The following BIN3 variants were observed in gnomAD, a reference collection of about 807,000 sequenced individuals.
The protein encoded by BIN3 is bridging integrator 3.
BIN3 carries 41 observed loss-of-function variants against 38.2 expected under a neutral mutation model. The observed-to-expected ratio is 1.07, with a 90% CI of 0.84 to 1.39. The LOEUF (loss-of-function observed/expected upper bound fraction) is 1.39, where lower values mean the gene tolerates loss of function less well. BIN3 is among the 40% of genes most tolerant of loss of function. BIN3 has a pLI of 0.00. For synonymous variants in BIN3, 145 were observed against 122.6 expected (o/e 1.18, Z -1.21); for missense variants, 361 against 324.3 (o/e 1.11, Z -0.87).
chr8:22,621,184 TAAAA>T lies in BIN3; in HGVS notation c.*234_*237del, dbSNP rs1170070585. ...GATGCATGCTGGACGGTTCTCCAAA[TAAAA>T]AAGCCCCAAGGGTTTGTCTACACTG... On this transcript the variant is annotated 3_prime_UTR_variant, in exon 9 of 9. Transcript: ENST00000276416. The T allele has an allele frequency of 1.1e-4, 59 of 539,386 alleles. No homozygotes were observed. The highest frequency in any genetic ancestry group is 2.0e-4 in the East Asian group (6 of 30,686). The allele number at this position is 539,386 out of a possible 1,614,324, so 33.4% of individuals were successfully genotyped here. A position where few individuals can be genotyped will look rare whatever the true frequency, so the allele number is the denominator to read the frequency against.
At chr8:22,634,559 C>G (rs1447095507) in intron 4 of BIN3, 3 of 432,148 alleles carry the variant, frequency 6.9e-6, no homozygotes, top group South Asian at 4.7e-5. Context: ...CAAATCACTG[C>G]CTCTATTGGG....
rs1364873729 is a variant in BIN3, at chr8:22,636,534, C to T, written c.151G>A (p.Ala51Thr). The change falls in exon 4 of 9, where the codon GCA becomes ACA. Residue 51 changes from alanine to threonine, a missense_variant. By Grantham distance (58) the Ala-to-Thr change is moderately conservative (BLOSUM62 0). Transcript: ENST00000276416. The part of the protein sequence containing the change: ...LQKDMKKSTD[A>T]DLAMSKSAVK... ...GTGGAAAGTCACCTACCCAGGTCTGCGTCGGTGCTCTTCTTCATGTCTTTC... is the reference window on the plus strand; with the variant it reads ...GTGGAAAGTCACCTACCCAGGTCTGTGTCGGTGCTCTTCTTCATGTCTTTC... 1.9e-6 allele frequency: 3 copies of T among 1,552,504 alleles called. No homozygotes were observed. The highest frequency in any genetic ancestry group is 1.4e-5 in the African/African-American group (1 of 73,104).
chr8:22,629,773 G>A (rs1327776138), intron 6 of BIN3, 191 bp downstream of exon 6: 26 of 625,020 alleles, frequency 4.2e-5, no homozygotes, highest in Non-Finnish European at 6.5e-5. Flanking sequence ...TGGGCCATGT[G>A]GGTACTCTGG....
chr8:22,622,388 G>A (rs1335880281), intron 8 of BIN3, among the ~76,000 whole-genome samples: 3 of 152,250 alleles, frequency 2.0e-5, no homozygotes, highest in Non-Finnish European at 4.4e-5. Context: ...GGGACCCACG[G>A]CTGATACTCC....
chr8:22,665,681 T>C (rs1803394100), intron 1 of BIN3, among the ~76,000 whole-genome samples: 1 of 152,090 alleles, frequency 6.6e-6, no homozygotes, highest in African/African-American at 2.4e-5. Context: ...GCTTGGAGGA[T>C]GGAACACACG....
At chr8:22,658,787 C>T (rs1019338052) in intron 1 of BIN3, among the ~76,000 whole-genome samples, 1 of 152,016 alleles carries the variant, frequency 6.6e-6, no homozygotes, top group Non-Finnish European at 1.5e-5. Context: ...GTTTTGGGGG[C>T]GAGGGAGGTA....
At chr8:22,646,385 C>T (rs949427087) in intron 1 of BIN3, among the ~76,000 whole-genome samples, 3 of 152,186 alleles carry the variant, frequency 2.0e-5, no homozygotes, top group African/African-American at 7.2e-5. Flanking sequence ...ACCAGGCCCA[C>T]ATCCCACCCT....
At chr8:22,646,419 G>C (rs1802716816) in intron 1 of BIN3, among the ~76,000 whole-genome samples, 1 of 152,040 alleles carries the variant, frequency 6.6e-6, no homozygotes, top group South Asian at 2.1e-4. Context: ...CCTTCTCCCT[G>C]AGCCTGCTTT....
chr8:22,664,502 A>G (rs1202976637), intron 1 of BIN3, among the ~76,000 whole-genome samples: 2 of 152,270 alleles, frequency 1.3e-5, no homozygotes, highest in East Asian at 3.8e-4. Flanking sequence ...CAGAACACCT[A>G]GAGGTCTGCA....
intron 1 of BIN3, among the ~76,000 whole-genome samples, chr8:22,651,888 C>G (rs1406164351): frequency 2.0e-5 from 3 of 151,586 alleles, no homozygotes; most frequent in African/African-American, 7.3e-5. Flanking sequence ...TTCTTGTTTT[C>G]TGTTTCTTAC....
chr8:22,662,849 A>C (rs937574135), intron 1 of BIN3, among the ~76,000 whole-genome samples: 51 of 152,230 alleles, frequency 3.4e-4, no homozygotes, highest in Admixed American at 1.3e-4. Flanking sequence ...TTAAAAAAAC[A>C]AACAAGGCTG....
chr8:22,625,338 A>C (rs900268), intron 6 of BIN3: 685,966 of 702,594 alleles, frequency 0.98, 334,925 homozygotes, highest in East Asian at 1. Flanking sequence ...GTCCAGGATC[A>C]GGCTGCGCAG....
chr8:22,641,211 G>A (rs1378297802), intron 2 of BIN3, among the ~76,000 whole-genome samples: 1 of 146,916 alleles, frequency 6.8e-6, no homozygotes, highest in Non-Finnish European at 1.5e-5. Flanking sequence ...ATAAACACAT[G>A]TGCACGGACC....
At chr8:22,647,727 T>A (rs1190720652) in intron 1 of BIN3, among the ~76,000 whole-genome samples, 4 of 152,180 alleles carry the variant, frequency 2.6e-5, no homozygotes, top group Non-Finnish European at 5.9e-5. Context: ...CAGTTACTGA[T>A]GATCACAGAG....
At chr8:22,628,413 T>C (rs768092300) in intron 6 of BIN3, among the ~76,000 whole-genome samples, 12 of 152,246 alleles carry the variant, frequency 7.9e-5, no homozygotes, top group Middle Eastern at 3.4e-3. Context: ...CGCGGTTTTA[T>C]GTGGTTGGGG....
chr8:22,636,814 G>A, intron 3 of BIN3, 108 bp downstream of exon 3: 1 of 1,302,186 alleles, frequency 7.7e-7, no homozygotes, highest in Non-Finnish European at 1.1e-6. Context: ...GCTGCCCTCA[G>A]CTTCCAGGGT....
chr8:22,650,331 ATTT>A (rs1802851679), intron 1 of BIN3, among the ~76,000 whole-genome samples: 1 of 152,052 alleles, frequency 6.6e-6, no homozygotes, highest in South Asian at 2.1e-4. Flanking sequence ...GTATATCAGG[ATTT>A]TTTTCTTGGA....
chr8:22,630,422 C>T lies in BIN3; in HGVS notation c.297+20G>A, dbSNP rs761087568. 1.9e-5 allele frequency: 31 copies of T among 1,613,148 alleles called. 1 individual carries two copies. The Admixed American group carries it at 4.8e-4, about 25-fold the overall frequency. ...CGGGCAGAAGTCATGCTTGCCCACCCCACACCAAGACCTAGTCACCTTTTC... is the reference window on the plus strand; with the variant it reads ...CGGGCAGAAGTCATGCTTGCCCACCTCACACCAAGACCTAGTCACCTTTTC... On this transcript the variant is annotated intron_variant, in intron 5 of 8. Coordinates refer to ENST00000276416, the MANE Select transcript of BIN3 (RefSeq NM_018688.6).
At chr8:22,662,544 T>C (rs1289407067) in intron 1 of BIN3, among the ~76,000 whole-genome samples, 4 of 152,222 alleles carry the variant, frequency 2.6e-5, no homozygotes, top group Admixed American at 6.5e-5. Flanking sequence ...CAGCTGCCCC[T>C]TCTGTTATTT....
Sources: allele counts gnomAD v4.1 joint callset (sites outside exome capture counted in the v4.1 genomes callset), GRCh38; gene constraint gnomAD v4.1.1; transcripts MANE v1.5; gene names NCBI Gene and HGNC (gene_info 2026-07-23, HGNC 2026-07-21).